EIPR1: variants seen among roughly 807,000 people sequenced by gnomAD.
The protein encoded by EIPR1 is EARP and GARP complex-interacting protein 1.
Under a neutral mutation model 48.1 loss-of-function variants are expected in EIPR1, and 25 were observed. The observed-to-expected ratio is 0.52, with a 90% CI of 0.38 to 0.73. The LOEUF (loss-of-function observed/expected upper bound fraction) is 0.73, where lower values mean the gene tolerates loss of function less well. Among genes scored for constraint, EIPR1 ranks in the 30% least tolerant of loss-of-function variants. EIPR1 has a pLI of 0.00. For synonymous variants in EIPR1, 204 were observed against 201.9 expected (o/e 1.01, Z -0.09); for missense variants, 415 against 506.2 (o/e 0.82, Z 1.73).
At chr2:3,351,615 TG>T (rs1670580495) in intron 2 of EIPR1, among the ~76,000 whole-genome samples, 1 of 152,238 alleles carries the variant, frequency 6.6e-6, no homozygotes, top group Non-Finnish European at 1.5e-5. Flanking sequence ...ATCTTCATGG[TG>T]GGTCCTCCTT....
At chr2:3,271,534 C>T (rs1028018491) in intron 3 of EIPR1, among the ~76,000 whole-genome samples, 1 of 152,184 alleles carries the variant, frequency 6.6e-6, no homozygotes, top group African/African-American at 2.4e-5. Context: ...TTTGGTACCT[C>T]CCCTTCAGAG....
At chr2:3,223,692 G>A (rs1342813374) in intron 4 of EIPR1, among the ~76,000 whole-genome samples, 2 of 152,170 alleles carry the variant, frequency 1.3e-5, no homozygotes, top group Admixed American at 1.3e-4. Flanking sequence ...GCTGGGGCCA[G>A]GTCAAGGTGC....
chr2:3,345,611 C>T (rs540914574), intron 2 of EIPR1, among the ~76,000 whole-genome samples: 20 of 149,876 alleles, frequency 1.3e-4, no homozygotes, highest in South Asian at 1.3e-3. Context: ...GGCAATAGAG[C>T]GAGACTCTGT....
At chr2:3,363,729 G>A (rs1169913171) in intron 1 of EIPR1, among the ~76,000 whole-genome samples, 1 of 147,670 alleles carries the variant, frequency 6.8e-6, no homozygotes, top group Non-Finnish European at 1.5e-5. Flanking sequence ...ACAGAATGGG[G>A]TAAAGATTTG....
At chr2:3,370,505 A>C (rs995937606) in intron 1 of EIPR1, among the ~76,000 whole-genome samples, 15 of 152,284 alleles carry the variant, frequency 9.9e-5, no homozygotes, top group African/African-American at 3.6e-4. Flanking sequence ...ATTTAGACGA[A>C]TGTATAACTA....
In EIPR1 at chr2:3,294,945, TACAC is replaced by T. The variant is rs58247860; in HGVS notation, c.260-37494_260-37491del. Among the ~76,000 whole-genome samples, 26 of 66,168 alleles carry T rather than the reference TACAC, an allele frequency of 3.9e-4. 1 individual carries two copies. The East Asian group carries it at 4.7e-3, about 12-fold the overall frequency. 43.4% of individuals were successfully genotyped at this position (66,168 alleles called of 152,430 possible). On this transcript the variant is annotated intron_variant, in intron 3 of 8. Coordinates refer to ENST00000382125, the MANE Select transcript of EIPR1 (RefSeq NM_003310.5). ...CACCCGCCATCCAGCCCATCCTCTC[TACAC>T]ACACACACACACCCTCCATCCAGCC...
intron 3 of EIPR1, among the ~76,000 whole-genome samples, chr2:3,294,680 C>CTT (rs1668482004): frequency 7.2e-6 from 1 of 138,868 alleles, no homozygotes; most frequent in African/African-American, 2.7e-5. Context: ...AGCCCGTCCT[C>CTT]TCTACACACA....
chr2:3,353,060 C>A, intron 2 of EIPR1: 1 of 366,628 alleles, frequency 2.7e-6, no homozygotes, highest in Non-Finnish European at 5.5e-6. Context: ...AGACAGAGAC[C>A]ATATTCATAT....
At chr2:3,236,474 A>G (rs1666409112) in intron 4 of EIPR1, among the ~76,000 whole-genome samples, 1 of 152,194 alleles carries the variant, frequency 6.6e-6, no homozygotes, top group African/African-American at 2.4e-5. Context: ...ATCTGTGAGC[A>G]ATGCCCAAGG....
intron 3 of EIPR1, among the ~76,000 whole-genome samples, chr2:3,263,819 C>G (rs182273843): frequency 2.0e-5 from 3 of 151,312 alleles, no homozygotes; most frequent in African/African-American, 7.3e-5. Flanking sequence ...CTCTGTGTCC[C>G]CAACAAATGA....
intron 3 of EIPR1, among the ~76,000 whole-genome samples, chr2:3,306,166 G>A (rs552287847): frequency 2.0e-4 from 30 of 152,316 alleles, no homozygotes; most frequent in African/African-American, 6.7e-4. Context: ...TCATCATTTC[G>A]TCATGCTAGC....
intron 3 of EIPR1, among the ~76,000 whole-genome samples, chr2:3,292,951 G>A (rs1023652206): frequency 1.3e-5 from 2 of 151,832 alleles, no homozygotes; most frequent in Non-Finnish European, 2.9e-5. Context: ...GAGAGAGAAC[G>A]TTCCTTTTCC....
At chr2:3,334,789 G>A (rs913825689) in intron 3 of EIPR1, among the ~76,000 whole-genome samples, 3 of 152,192 alleles carry the variant, frequency 2.0e-5, no homozygotes, top group African/African-American at 7.2e-5. Flanking sequence ...GAACAATTTC[G>A]TCTTTCTTCC....
At chr2:3,348,704 G>A (rs1670476618) in intron 2 of EIPR1, among the ~76,000 whole-genome samples, 1 of 152,228 alleles carries the variant, frequency 6.6e-6, no homozygotes, top group African/African-American at 2.4e-5. Flanking sequence ...ATGCAGTAAC[G>A]ATGCAGGTAC....
intron 5 of EIPR1, among the ~76,000 whole-genome samples, chr2:3,198,457 C>A (rs367667734): frequency 6.6e-6 from 1 of 152,208 alleles, no homozygotes; most frequent in African/African-American, 2.4e-5. Flanking sequence ...CTTCACCTCC[C>A]ACTCCGAAAG....
chr2:3,355,720 C>G (rs771059330), intron 1 of EIPR1, among the ~76,000 whole-genome samples: 214 of 152,040 alleles, frequency 1.4e-3, no homozygotes, highest in Non-Finnish European at 2.1e-3. Flanking sequence ...GAGGCTGGGG[C>G]AGGAGGATCA....
At chr2:3,282,948 T>C (rs1668059828) in intron 3 of EIPR1, 1 of 152,288 alleles carries the variant, frequency 6.6e-6, no homozygotes, top group Admixed American at 6.5e-5. Context: ...TTTTAGACAA[T>C]GCCTGTCAGC....
At chr2:3,208,929 G>A (rs749319215) in intron 5 of EIPR1, 57 of 1,530,080 alleles carry the variant, frequency 3.7e-5, no homozygotes, top group Admixed American at 1.8e-4. Flanking sequence ...GTCCGTGCAC[G>A]CTCCTTCAGA....
At chr2:3,193,899 G>A in intron 7 of EIPR1, 100 bp downstream of exon 7, 2 of 1,343,164 alleles carry the variant, frequency 1.5e-6, no homozygotes, top group Admixed American at 2.1e-5. Context: ...ATTCACAGCA[G>A]CACAAACTAA....
Sources: gnomAD v4.1 joint callset for allele counts (sites outside exome capture counted in the v4.1 genomes callset) on GRCh38, gnomAD v4.1.1 for gene constraint, MANE v1.5 for transcripts, NCBI Gene and HGNC (gene_info 2026-07-23, HGNC 2026-07-21) for gene names.